Variants in TRAPPC9 observed in about 807,000 individuals in gnomAD.
The protein encoded by TRAPPC9 is IKK2 binding protein.
In TRAPPC9, 83 loss-of-function variants were observed where a neutral mutation model predicts 124.0. That is an observed-to-expected ratio of 0.67 (90% CI 0.56 to 0.80). The LOEUF (loss-of-function observed/expected upper bound fraction) is 0.80, where lower values mean the gene tolerates loss of function less well. Among genes scored for constraint, TRAPPC9 ranks in the 30% least tolerant of loss-of-function variants. TRAPPC9 has a pLI of 0.00. For synonymous variants in TRAPPC9, 638 were observed against 617.5 expected, an observed-to-expected ratio of 1.03 and a Z score of -0.49; for missense variants, 1,302 against 1,508.3, an observed-to-expected ratio of 0.86 and a Z score of 2.27.
intron 19 of TRAPPC9, among the ~76,000 whole-genome samples, chr8:139,976,479 G>C (rs1291504600): frequency 6.6e-6 from 1 of 152,124 alleles, no homozygotes; most frequent in South Asian, 2.1e-4. Flanking sequence ...ACAAATCGCA[G>C]ACTGGGAGAA....
At chr8:140,153,858 G>A (rs2061587571) in intron 17 of TRAPPC9, among the ~76,000 whole-genome samples, 4 of 152,068 alleles carry the variant, frequency 2.6e-5, no homozygotes, top group Admixed American at 2.6e-4. Flanking sequence ...CTCTCCATTC[G>A]CATCTTTTGT....
intron 17 of TRAPPC9, among the ~76,000 whole-genome samples, chr8:140,091,390 G>A (rs866446616): frequency 6.6e-6 from 1 of 152,212 alleles, no homozygotes; most frequent in Admixed American, 6.5e-5. Flanking sequence ...GGGCGAGGCT[G>A]AGTTAATAGG....
At chr8:140,215,883 G>C (rs2063180040) in intron 17 of TRAPPC9, 1 of 152,162 alleles carries the variant, frequency 6.6e-6, no homozygotes, top group Non-Finnish European at 1.5e-5. Flanking sequence ...CGTGGAGGAG[G>C]GTGCCCAGGC....
At chr8:140,144,675 C>T (rs6995403) in intron 17 of TRAPPC9, among the ~76,000 whole-genome samples, 6,398 of 152,056 alleles carry the variant, frequency 0.042, 440 homozygotes, top group African/African-American at 0.14. Context: ...TAAGTAGAGA[C>T]GGGGTTTCAC....
At chr8:140,305,269 T>C (rs539449538) in intron 10 of TRAPPC9, among the ~76,000 whole-genome samples, 1 of 152,316 alleles carries the variant, frequency 6.6e-6, no homozygotes, top group African/African-American at 2.4e-5. Context: ...CCACTGTTAC[T>C]TTCCCCTCAC....
intron 10 of TRAPPC9, 22 bp downstream of exon 10, chr8:140,311,226 G>A (rs755176359): frequency 2.9e-5 from 46 of 1,607,502 alleles, no homozygotes; most frequent in South Asian, 2.6e-4. Flanking sequence ...CTGCCTTTCC[G>A]GCTCTGCAGT....
At chr8:139,846,207 G>C (rs1330259943) in intron 21 of TRAPPC9, among the ~76,000 whole-genome samples, 1 of 152,236 alleles carries the variant, frequency 6.6e-6, no homozygotes, top group Non-Finnish European at 1.5e-5. Context: ...AACAGTCCCA[G>C]CAAGAACAGA....
At chr8:140,437,155 A>ATT (rs34992880) in intron 3 of TRAPPC9, among the ~76,000 whole-genome samples, 26 of 150,658 alleles carry the variant, frequency 1.7e-4, no homozygotes, top group South Asian at 1.2e-3. Context: ...ATTTTATTTT[A>ATT]TTTTATTTTG....
chr8:140,242,492 G>A (rs1245288880), intron 16 of TRAPPC9, among the ~76,000 whole-genome samples: 1 of 152,150 alleles, frequency 6.6e-6, no homozygotes, highest in Non-Finnish European at 1.5e-5. Context: ...AATGGCTTTT[G>A]CCACCAAAGG....
At chr8:140,088,223 G>A (rs1200100890) in intron 17 of TRAPPC9, among the ~76,000 whole-genome samples, 1 of 152,132 alleles carries the variant, frequency 6.6e-6, no homozygotes, top group Non-Finnish European at 1.5e-5. Flanking sequence ...CGTGATGGCA[G>A]GACTTTAAAT....
intron 11 of TRAPPC9, 108 bp downstream of exon 11, chr8:140,300,361 A>G (rs2131824518): frequency 3.5e-6 from 5 of 1,427,100 alleles, no homozygotes; most frequent in East Asian, 2.3e-5. Flanking sequence ...ACGCACGCAC[A>G]CACATGCACA....
intron 7 of TRAPPC9, 79 bp downstream of exon 7, chr8:140,397,541 G>GA: frequency 6.4e-7 from 1 of 1,567,468 alleles, no homozygotes; most frequent in Non-Finnish European, 8.8e-7. Flanking sequence ...TCAGCAAAAC[G>GA]AAATAAGCTG....
At chr8:140,411,666 A>G (rs1355605607) in intron 5 of TRAPPC9, among the ~76,000 whole-genome samples, 1 of 152,194 alleles carries the variant, frequency 6.6e-6, no homozygotes, top group Non-Finnish European at 1.5e-5. Context: ...CTTGAGCCTG[A>G]AAGTAAACAT....
chr8:140,203,428 C>T (rs962734282), intron 17 of TRAPPC9, among the ~76,000 whole-genome samples: 2 of 152,150 alleles, frequency 1.3e-5, no homozygotes, highest in African/African-American at 2.4e-5. Flanking sequence ...TAATGATAAA[C>T]GATTTGTTGT....
chr8:139,749,363 A>G (rs1819162290), intron 21 of TRAPPC9, among the ~76,000 whole-genome samples: 1 of 152,190 alleles, frequency 6.6e-6, no homozygotes, highest in African/African-American at 2.4e-5. Flanking sequence ...TGGCCCTTCA[A>G]TGGCTTACAG....
chr8:140,263,422 A>G (rs2131564604), intron 15 of TRAPPC9, among the ~76,000 whole-genome samples: 1 of 152,346 alleles, frequency 6.6e-6, no homozygotes, highest in Non-Finnish European at 1.5e-5. Flanking sequence ...AAAGGTGGGC[A>G]GCCAGCCATG....
At chr8:139,795,448 A>C (rs577135327) in intron 21 of TRAPPC9, among the ~76,000 whole-genome samples, 65 of 150,354 alleles carry the variant, frequency 4.3e-4, no homozygotes, top group Non-Finnish European at 7.2e-4. Context: ...CCCTTCCACC[A>C]CTTGCAGCCT....
At chr8:140,210,690 G>A (rs989974549) in intron 17 of TRAPPC9, among the ~76,000 whole-genome samples, 1 of 152,186 alleles carries the variant, frequency 6.6e-6, no homozygotes, top group Non-Finnish European at 1.5e-5. Context: ...CTGTCCCCAA[G>A]GAAGGCCACA....
intron 9 of TRAPPC9, among the ~76,000 whole-genome samples, chr8:140,320,598 G>A (rs931181503): frequency 3.3e-5 from 5 of 152,146 alleles, no homozygotes; most frequent in Non-Finnish European, 5.9e-5. Context: ...CCCGGTTATC[G>A]GGACCAACAG....
Sources: gnomAD v4.1 joint callset for allele counts (sites outside exome capture counted in the v4.1 genomes callset) on GRCh38, gnomAD v4.1.1 for gene constraint, MANE v1.5 for transcripts, NCBI Gene and HGNC (gene_info 2026-07-23, HGNC 2026-07-21) for gene names.